The following FGD5 variants were observed in gnomAD, a reference collection of about 807,000 sequenced individuals.
The protein encoded by FGD5 is FYVE, RhoGEF and PH domain-containing protein 5.
In FGD5, 28 loss-of-function variants were observed where a neutral mutation model predicts 133.4. That is an observed-to-expected ratio of 0.21 (90% CI 0.16 to 0.29). The LOEUF (loss-of-function observed/expected upper bound fraction) is 0.29. Among genes scored for constraint, FGD5 ranks in the 10% least tolerant of loss-of-function variants. The pLI is 1.00. For synonymous variants in FGD5, 810 were observed against 776.5 expected, an observed-to-expected ratio of 1.04 and a Z score of -0.72; for missense variants, 1,858 against 1,895.2, an observed-to-expected ratio of 0.98 and a Z score of 0.36.
intron 2 of FGD5, among the ~76,000 whole-genome samples, chr3:14,866,930 G>C (rs1354937070): frequency 1.3e-5 from 2 of 152,210 alleles, no homozygotes; most frequent in Non-Finnish European, 2.9e-5. Flanking sequence ...AGAGCAGGGA[G>C]GGGGTGGGTG....
At chr3:14,928,669 C>T (rs1444256594) in intron 18 of FGD5, among the ~76,000 whole-genome samples, 4 of 152,054 alleles carry the variant, frequency 2.6e-5, no homozygotes, top group African/African-American at 7.2e-5. Context: ...CGTTTGAACC[C>T]GGGAGGTAGA....
intron 1 of FGD5, among the ~76,000 whole-genome samples, chr3:14,837,361 C>T (rs530374563): frequency 1.3e-5 from 2 of 152,282 alleles, no homozygotes; most frequent in Admixed American, 6.5e-5. Flanking sequence ...GCTCAGTTCA[C>T]GGAGCAGTCA....
upstream of FGD5, among the ~76,000 whole-genome samples, chr3:14,814,842 C>T (rs2036345376): frequency 6.6e-6 from 1 of 152,178 alleles, no homozygotes; most frequent in African/African-American, 2.4e-5. Context: ...TTGGCAGAAA[C>T]TTCAGCTTTC....
Position 14,922,510 on chromosome 3 carries a change from C to T in FGD5, c.3769C>T (p.Leu1257Phe), listed in dbSNP as rs1316738732. 2.5e-6 allele frequency: 4 copies of T among 1,582,874 alleles called. No homozygotes were observed. Among genetic ancestry groups the T allele is most frequent in the Non-Finnish European group, 3.4e-6 (4 of 1,164,584 alleles). ...MCMNCGCDFS[L>F]TLRRHHCHAC... is the part of the protein sequence containing the mutation. ...CATGAACTGCGGCTGCGACTTCTCCCTCACCCTGCGGCGTCATCACTGTCA... is the reference window on the plus strand; with the variant it reads ...CATGAACTGCGGCTGCGACTTCTCCTTCACCCTGCGGCGTCATCACTGTCA... Residue 1257 changes from leucine (L) to phenylalanine (F), a missense_variant, in exon 15 of 20, where the codon CTC becomes TTC. Coordinates refer to ENST00000285046, the MANE Select transcript of FGD5 (RefSeq NM_152536.4). This position sits in a 1 kb window ranked among gnomAD's most constrained non-coding sequence, Gnocchi z 4.1.
chr3:14,821,360 C>T lies in FGD5; in HGVS notation c.2289C>T (p.Ser763=). ...CCTTGCCACTGACCAAGCCACGGTC[C>T]ATCTCCTTCCCCAGCGCTGACACTT... ...FLPLPLTKPR[S]ISFPSADTSD... is the part of the protein sequence containing the mutation. The change falls in exon 1 of 20, where the codon TCC becomes TCT. Residue 763 remains serine, a synonymous_variant. Coordinates refer to ENST00000285046, the MANE Select transcript of FGD5 (RefSeq NM_152536.4). 2 of 1,614,022 alleles carry T rather than the reference C, an allele frequency of 1.2e-6. No homozygotes were observed. The highest frequency in any genetic ancestry group is 2.7e-5 in the African/African-American group (2 of 75,058).
intron 1 of FGD5, among the ~76,000 whole-genome samples, chr3:14,856,060 A>G (rs1315311456): frequency 1.3e-5 from 2 of 152,076 alleles, no homozygotes; most frequent in African/African-American, 2.4e-5. Context: ...TTTTTATAGC[A>G]TGAGAGGTAA....
In FGD5 at chr3:14,921,781, C is replaced by T. The variant is rs147540908; in HGVS notation, c.3570-137C>T. ...GTAAACCTAGTCTGGCAGGTGATCT[C>T]TTCTTTGCTGGTGGTTCTGGGCAGT... is the stretch of plus-strand genomic sequence containing the variant. On this transcript the variant is annotated intron_variant, in intron 13 of 19. Coordinates refer to ENST00000285046, the MANE Select transcript of FGD5 (RefSeq NM_152536.4). 1.6e-5 allele frequency: 12 copies of T among 757,680 alleles called. No individual in the cohort carries two copies. In the East Asian group the frequency reaches 3.2e-4, roughly 20 times the overall value. The allele number at this position is 757,680 out of a possible 1,614,324, so 46.9% of individuals were successfully genotyped here.
intron 1 of FGD5, among the ~76,000 whole-genome samples, chr3:14,841,933 C>G (rs77002748): frequency 0.058 from 8,877 of 152,258 alleles, 330 homozygotes; most frequent in Middle Eastern, 0.092. Context: ...AGGCAGTTGC[C>G]GAGATCCAGA....
At chr3:14,893,978 A>T (rs996557865) in intron 4 of FGD5, among the ~76,000 whole-genome samples, 3 of 150,790 alleles carry the variant, frequency 2.0e-5, no homozygotes, top group Admixed American at 6.6e-5. Flanking sequence ...GGTTGGTCTC[A>T]AACTCCTGAC....
In FGD5 at chr3:14,820,728, G is replaced by A. The variant is rs61751585; in HGVS notation, c.1657G>A (p.Val553Met). 3,996 of 1,605,680 alleles carry A rather than the reference G, an allele frequency of 2.5e-3. 11 individuals are homozygous for A. Among genetic ancestry groups the A allele is most frequent in the Non-Finnish European group, 3.1e-3 (3,592 of 1,176,772 alleles). Residue 553 changes from valine (V) to methionine (M), a missense_variant, in exon 1 of 20, where the codon GTG (valine) becomes ATG (methionine). Physicochemically the swap from Val to Met is conservative, Grantham distance 21 (BLOSUM62 1). Coordinates refer to ENST00000285046, the MANE Select transcript of FGD5 (RefSeq NM_152536.4). ...TACTTTATACCCTCGGTCGTTCTCC[G>A]TGGAAGGCCGAGAGATTCCAGTGTC... Reference protein sequence around the residue: ...AFTLYPRSFSVEGREIPVSVY... With the variant: ...AFTLYPRSFSMEGREIPVSVY...
At chr3:14,868,547 T>C (rs2037542084) in intron 2 of FGD5, among the ~76,000 whole-genome samples, 1 of 152,236 alleles carries the variant, frequency 6.6e-6, no homozygotes, top group Non-Finnish European at 1.5e-5. Context: ...AACACCACCA[T>C]GCACTTTCTC....
chr3:14,856,247 C>T (rs1269398417), intron 1 of FGD5, among the ~76,000 whole-genome samples: 1 of 152,096 alleles, frequency 6.6e-6, no homozygotes, highest in Non-Finnish European at 1.5e-5. Flanking sequence ...TGTTTTTATT[C>T]CAGTGCCATG....
At chr3:14,817,491 C>G (rs2036389091), upstream of FGD5, among the ~76,000 whole-genome samples, 1 of 152,182 alleles carries the variant, frequency 6.6e-6, no homozygotes, top group Non-Finnish European at 1.5e-5. Context: ...CCACTGCACC[C>G]AGCCTTACCT....
rs771303489 is a variant in FGD5, at chr3:14,898,008, C to A, written c.2979C>A (p.His993Gln). The A allele has an allele frequency of 6.2e-7, 1 of 1,613,884 alleles. No homozygotes were observed. The highest frequency in any genetic ancestry group is 2.2e-5 in the East Asian group (1 of 44,888). Reference protein sequence around the residue: ...REQGFDHHATHILQFDRYLGL... With the variant: ...REQGFDHHATQILQFDRYLGL... ...AGGGGTTTGATCACCACGCCACTCA[C>A]ATCCTGCAGTTCGACAGGTACCTAG... Residue 993 changes from histidine (H) to glutamine (Q), a missense_variant, in exon 6 of 20, where the codon CAC becomes CAA. Physicochemically the swap from His to Gln is conservative, Grantham distance 24 (BLOSUM62 0). Around this residue, in one of 3 missense-constraint regions of FGD5, gnomAD observed 1,824 missense variants for 1,848.9 expected, o/e 0.99. Coordinates refer to ENST00000285046, the MANE Select transcript of FGD5 (RefSeq NM_152536.4).
In FGD5 at chr3:14,821,160, C is replaced by T. The variant is rs373174049; in HGVS notation, c.2089C>T (p.Arg697Trp). ...GCCTTCCAGGATTCTGGAAGTTGAC[C>T]GGAGAAGCCTCAGCAACTCCCCTCA... ...HGPSRILEVD[R>W]RSLSNSPQLK... The change falls in exon 1 of 20, where the codon CGG becomes TGG. Residue 697 changes from arginine to tryptophan, a missense_variant. Coordinates refer to ENST00000285046, the MANE Select transcript of FGD5 (RefSeq NM_152536.4). 52 of 1,613,796 alleles carry T rather than the reference C, an allele frequency of 3.2e-5. No individual in the cohort carries two copies. The highest frequency in any genetic ancestry group is 2.2e-4 in the South Asian group (20 of 91,086).
intron 1 of FGD5, among the ~76,000 whole-genome samples, chr3:14,856,599 T>G (rs1307144065): frequency 6.6e-6 from 1 of 152,156 alleles, no homozygotes; most frequent in African/African-American, 2.4e-5. Context: ...TTAGTTAAAT[T>G]TATTTCTAGA....
At chr3:14,810,695 T>G (rs1011090026), upstream of FGD5, among the ~76,000 whole-genome samples, 4 of 145,726 alleles carry the variant, frequency 2.7e-5, no homozygotes, top group Non-Finnish European at 4.6e-5. Flanking sequence ...CCCACTGCCC[T>G]GCGCGCCGCG....
chr3:14,893,749 T>A (rs1452880726), intron 4 of FGD5, among the ~76,000 whole-genome samples: 1 of 102,878 alleles, frequency 9.7e-6, no homozygotes, highest in Admixed American at 1.1e-4. Flanking sequence ...TCTTTTCTTT[T>A]TTCTTTTTTT....
chr3:14,918,354 T>C (rs1442268305), intron 12 of FGD5, among the ~76,000 whole-genome samples: 1 of 152,214 alleles, frequency 6.6e-6, no homozygotes, highest in African/African-American at 2.4e-5. Context: ...CTGTAGGCTC[T>C]TTACCATGGG....
Sources: allele counts gnomAD v4.1 joint callset (sites outside exome capture counted in the v4.1 genomes callset), GRCh38; gene constraint gnomAD v4.1.1; regional missense constraint gnomAD v4.1.1; non-coding constraint Gnocchi (gnomAD v3.1); transcripts MANE v1.5; gene names NCBI Gene and HGNC (gene_info 2026-07-23, HGNC 2026-07-21).